Variants in ADAM23 observed in about 807,000 individuals in gnomAD.
ADAM23 encodes ADAM metallopeptidase domain 23.
ADAM23 carries 33 observed loss-of-function variants against 120.1 expected under a neutral mutation model. That is an observed-to-expected ratio of 0.27 (90% CI 0.21 to 0.37). ADAM23 has a LOEUF of 0.37. Ranked by LOEUF, ADAM23 falls within the 10% of genes least tolerant of loss-of-function variation. The pLI, the probability that ADAM23 is intolerant of heterozygous loss-of-function variation, is 1.00. For synonymous variants in ADAM23, 367 were observed against 375.2 expected (o/e 0.98, Z 0.25); for missense variants, 862 against 1,058.2 (o/e 0.81, Z 2.57).
At chr2:206,530,247 C>T (rs1345888601) in intron 3 of ADAM23, among the ~76,000 whole-genome samples, 1 of 152,236 alleles carries the variant, frequency 6.6e-6, no homozygotes, top group Admixed American at 6.5e-5. Context: ...TGTTTACATA[C>T]TGCCCGTGGC....
At chr2:206,474,020 A>C (rs1185953030) in intron 2 of ADAM23, among the ~76,000 whole-genome samples, 3 of 148,184 alleles carry the variant, frequency 2.0e-5, no homozygotes, top group Admixed American at 2.0e-4. Flanking sequence ...TCAAAAAAAA[A>C]AAAACAAAAA....
At chr2:206,462,098 G>A (rs1186184418) in intron 2 of ADAM23, among the ~76,000 whole-genome samples, 2 of 152,200 alleles carry the variant, frequency 1.3e-5, no homozygotes, top group African/African-American at 4.8e-5. Flanking sequence ...GAAACAGACA[G>A]TCTCTGGTCT....
At chr2:206,531,363 G>A (rs1697058709) in intron 4 of ADAM23, among the ~76,000 whole-genome samples, 1 of 152,168 alleles carries the variant, frequency 6.6e-6, no homozygotes, top group Non-Finnish European at 1.5e-5. Context: ...TGAGATTTAG[G>A]TAGTACTTTT....
Position 206,550,100 on chromosome 2 carries a change from A to G in ADAM23, c.873A>G (p.Ser291=). The change falls in exon 9 of 26, where the codon TCA becomes TCG. Residue 291 remains serine (S), a synonymous_variant. Transcript: ENST00000264377. The part of the protein sequence containing the change: ...LKRRKRAVNP[S]RGIFEEMKYL... The stretch of plus-strand genomic sequence containing the variant: ...TATATTTTTATTTTCCGTAGCCATC[A>G]CGTGGTATATTTGAAGAAATGAAAT... 1 of 1,570,548 alleles carries G rather than the reference A, an allele frequency of 6.4e-7. No homozygotes were observed. Among genetic ancestry groups the G allele is most frequent in the Non-Finnish European group, 8.7e-7 (1 of 1,144,592 alleles).
chr2:206,606,944 G>T (rs1341746719), intron 24 of ADAM23: 2 of 152,138 alleles, frequency 1.3e-5, no homozygotes, highest in Admixed American at 6.6e-5. Context: ...CAAATCATGG[G>T]CTTATTGTGA....
chr2:206,479,645 A>T (rs1252729646), intron 2 of ADAM23, among the ~76,000 whole-genome samples: 1 of 152,140 alleles, frequency 6.6e-6, no homozygotes, highest in East Asian at 1.9e-4. Context: ...TCTGTTGTGG[A>T]TAACAGAGAC....
intron 2 of ADAM23, among the ~76,000 whole-genome samples, chr2:206,470,756 C>A (rs184237726): frequency 6.6e-6 from 1 of 152,172 alleles, no homozygotes; most frequent in Non-Finnish European, 1.5e-5. Context: ...CATCCATAGT[C>A]GTAGATGAGG....
intron 2 of ADAM23, among the ~76,000 whole-genome samples, chr2:206,477,899 T>TATATACATATAC (rs1695813036): frequency 1.9e-5 from 2 of 106,332 alleles, no homozygotes; most frequent in Non-Finnish European, 3.7e-5. Context: ...AAAAAAAAAA[T>TATATACATATAC]ATATATATAT....
At chr2:206,478,009 T>C (rs1695819870) in intron 2 of ADAM23, among the ~76,000 whole-genome samples, 1 of 150,960 alleles carries the variant, frequency 6.6e-6, no homozygotes, top group African/African-American at 2.4e-5. Context: ...CTGTGTAATA[T>C]TTTGTTAAAG....
At chr2:206,526,021 T>C (rs767069360) in intron 3 of ADAM23, among the ~76,000 whole-genome samples, 1 of 152,142 alleles carries the variant, frequency 6.6e-6, no homozygotes, top group Non-Finnish European at 1.5e-5. Context: ...ATCCTTGGCT[T>C]CTCCATATGG....
rs114512451 is a variant in ADAM23, at chr2:206,570,638, A to G, written c.1495-102A>G. 1.8e-3 allele frequency: 1,467 copies of G among 835,526 alleles called. 2 individuals carry two copies. Among genetic ancestry groups the G allele is most frequent in the Non-Finnish European group, 2.4e-3 (1,184 of 500,828 alleles). The allele number at this position is 835,526 out of a possible 1,614,324, so 51.8% of individuals were successfully genotyped here. A position where few individuals can be genotyped will look rare whatever the true frequency, so the allele number is the denominator to read the frequency against. Reference sequence around the variant, plus strand: ...CAACAACAGATCAAAGAAGAATATCACATGATAGCTGATTATACGGCCATT... The same window carrying G: ...CAACAACAGATCAAAGAAGAATATCGCATGATAGCTGATTATACGGCCATT... On this transcript the variant is annotated intron_variant, in intron 15 of 25. Transcript: ENST00000264377.
intron 3 of ADAM23, among the ~76,000 whole-genome samples, chr2:206,515,086 A>T (rs939445312): frequency 6.6e-6 from 1 of 152,092 alleles, no homozygotes; most frequent in African/African-American, 2.4e-5. Context: ...TATAGTCGTG[A>T]TCATAGGTCT....
At chr2:206,498,026 C>T (rs1180566146) in intron 3 of ADAM23, among the ~76,000 whole-genome samples, 1 of 152,168 alleles carries the variant, frequency 6.6e-6, no homozygotes, top group Non-Finnish European at 1.5e-5. Flanking sequence ...GAAGAACACT[C>T]CATGCTCATG....
At position 206,565,943 on chromosome 2, in the gene ADAM23, C is replaced by A. The variant is rs945475750; in HGVS notation, c.1394+875C>A. Among the ~76,000 whole-genome samples, 7 of 152,238 alleles carry A rather than the reference C, an allele frequency of 4.6e-5. No individual in the cohort carries two copies. The East Asian group carries it at 1.4e-3, about 29-fold the overall frequency. On this transcript the variant is annotated intron_variant, in intron 14 of 25. Coordinates refer to ENST00000264377, the MANE Select transcript of ADAM23 (RefSeq NM_003812.4). ...AGGAGTGTGGGCATGAAGGTTTGCA[C>A]AGTAGGCCATTATCCCTGCTACTTT...
chr2:206,557,401 G>C, intron 9 of ADAM23, 26 bp from the exon 10 acceptor site: 1 of 1,572,596 alleles, frequency 6.4e-7, no homozygotes, highest in South Asian at 1.1e-5. Flanking sequence ...TGATTTGGCA[G>C]TGACTGGTAT....
In ADAM23 at chr2:206,551,542, C is replaced by A. The variant is rs1185012739; in HGVS notation, c.933+1382C>A. 2.6e-5 allele frequency among the ~76,000 whole-genome samples: 4 copies of A among 152,164 alleles called. No homozygotes were observed. In the East Asian group the frequency reaches 5.8e-4, roughly 22 times the overall value. Reference sequence around the variant, plus strand: ...GTGACAAACTTATGAAAGATTGGAACAAAAATTGAAATTGCTTTGGAATTA... The same window carrying A: ...GTGACAAACTTATGAAAGATTGGAAAAAAAATTGAAATTGCTTTGGAATTA... On this transcript the variant is annotated intron_variant, in intron 9 of 25. Coordinates refer to ENST00000264377, the MANE Select transcript of ADAM23 (RefSeq NM_003812.4).
At chr2:206,477,919 TATAA>T (rs1448220756) in intron 2 of ADAM23, among the ~76,000 whole-genome samples, 4 of 139,452 alleles carry the variant, frequency 2.9e-5, no homozygotes, top group Admixed American at 7.1e-5. Flanking sequence ...TATATATATA[TATAA>T]AACAACAATG....
intron 18 of ADAM23, among the ~76,000 whole-genome samples, chr2:206,577,253 TC>T (rs1172614122): frequency 6.6e-6 from 1 of 151,934 alleles, no homozygotes; most frequent in African/African-American, 2.4e-5. Flanking sequence ...GGGCATTTTT[TC>T]TTTTTTTTTT....
intron 3 of ADAM23, among the ~76,000 whole-genome samples, chr2:206,495,635 A>G (rs1031750743): frequency 2.6e-5 from 4 of 152,242 alleles, no homozygotes; most frequent in Non-Finnish European, 5.9e-5. Flanking sequence ...GACAGGATCA[A>G]ATTCACACAT....
Sources: gnomAD v4.1 joint callset for allele counts (sites outside exome capture counted in the v4.1 genomes callset) on GRCh38, gnomAD v4.1.1 for gene constraint, MANE v1.5 for transcripts, NCBI Gene and HGNC (gene_info 2026-07-23, HGNC 2026-07-21) for gene names.